FLT4: variants seen among roughly 807,000 people sequenced by gnomAD.
FLT4 encodes fms related receptor tyrosine kinase 4.
A neutral mutation model predicts 163.2 loss-of-function variants in FLT4; 30 were observed. The ratio of observed to expected loss-of-function variants is 0.18; its 90% confidence interval spans 0.14 to 0.25. The LOEUF is 0.25. Ranked by LOEUF, FLT4 falls within the 10% of genes least tolerant of loss-of-function variation. The pLI, the probability that FLT4 is intolerant of heterozygous loss-of-function variation, is 1.00. For missense variants in FLT4, 1,510 were observed against 1,863.8 expected (o/e 0.81, Z 3.50); for synonymous variants, 884 against 789.5 (o/e 1.12, Z -2.01).
intron 1 of FLT4, among the ~76,000 whole-genome samples, chr5:180,639,178 G>A (rs183700787): frequency 5.1e-4 from 59 of 116,320 alleles, no homozygotes; most frequent in South Asian, 8.6e-4. Flanking sequence ...AGGATGGATG[G>A]GTGGATGGAT....
At chr5:180,615,234 G>GT (rs143329383) in intron 23 of FLT4, among the ~76,000 whole-genome samples, 6 of 82,514 alleles carry the variant, frequency 7.3e-5, no homozygotes, top group East Asian at 3.6e-4. Flanking sequence ...TTGGAGCACT[G>GT]GGCCCCGCTG....
At chr5:180,615,358 T>A (rs1173623142) in intron 23 of FLT4, among the ~76,000 whole-genome samples, 1 of 146,664 alleles carries the variant, frequency 6.8e-6, no homozygotes, top group African/African-American at 2.6e-5. Context: ...GTCACCTCCC[T>A]TCTCCACTTC....
Position 180,609,024 on chromosome 5 carries a change from C to T in FLT4, c.3837G>A (p.Leu1279=). 1 of 1,614,220 alleles carries T rather than the reference C, an allele frequency of 6.2e-7. No individual in the cohort carries two copies. Among genetic ancestry groups the T allele is most frequent in the Non-Finnish European group, 8.5e-7 (1 of 1,180,034 alleles). The change falls in exon 29 of 30, where the codon CTG becomes CTA. Residue 1279 remains leucine, a synonymous_variant. Coordinates refer to ENST00000261937, the MANE Select transcript of FLT4 (RefSeq NM_182925.5). ...VDNQTDSGMV[L]ASEEFEQIES... ...CTATCTGCTCAAACTCCTCCGAGGC[C>T]AGCACCATCCCACTGTCTGTCTGGT...
Position 180,620,873 on chromosome 5 carries a change from G to T in FLT4, c.2299+3C>A. On this transcript the variant is annotated splice_donor_region_variant and intron_variant, in intron 15 of 29. Coordinates refer to ENST00000261937, the MANE Select transcript of FLT4 (RefSeq NM_182925.5). This position sits in a 1 kb window ranked among gnomAD's most constrained non-coding sequence, Gnocchi z 4.4. Reference sequence around the variant, plus strand: ...AGTTGAGGGGTGCAGCCTGAGGCCAGACCTTCCACGGCCACGCTGGCGGAG... The same window carrying T: ...AGTTGAGGGGTGCAGCCTGAGGCCATACCTTCCACGGCCACGCTGGCGGAG... 1 of 1,609,738 alleles carries T rather than the reference G, an allele frequency of 6.2e-7. No homozygotes were observed. The highest frequency in any genetic ancestry group is 2.2e-5 in the East Asian group (1 of 44,794).
intron 1 of FLT4, among the ~76,000 whole-genome samples, chr5:180,645,550 A>G (rs1765448833): frequency 6.6e-6 from 1 of 152,164 alleles, no homozygotes; most frequent in Non-Finnish European, 1.5e-5. Flanking sequence ...GTCCTTTCCC[A>G]TGAACCCCTG....
Position 180,628,905 on chromosome 5 carries a change from C to T in FLT4, c.1080G>A (p.Ala360=), listed in dbSNP as rs762094582. 6.2e-6 allele frequency: 10 copies of T among 1,611,736 alleles called. No homozygotes were observed. In the South Asian group the frequency reaches 7.7e-5, roughly 12 times the overall value. ...ACCACTGGAACTCGGGCGGGGGGTA[C>T]GCTGCCAGCTTCACGGGCAGCTTCA... ...ELVKLPVKLA[A]YPPPEFQWYK... is the part of the protein sequence containing the mutation. The change falls in exon 8 of 30, where the codon GCG becomes GCA. Residue 360 remains alanine (A), a synonymous_variant. Transcript: ENST00000261937.
intron 23 of FLT4, among the ~76,000 whole-genome samples, chr5:180,615,578 C>T (rs111804217): frequency 3.1e-4 from 3 of 9,780 alleles, no homozygotes; most frequent in African/African-American, 7.3e-4. Flanking sequence ...CACTTCCTTT[C>T]GGAGCACTGG....
chr5:180,615,370 G>T (rs1239194213), intron 23 of FLT4, among the ~76,000 whole-genome samples: 1 of 98,284 alleles, frequency 1.0e-5, no homozygotes, highest in Non-Finnish European at 2.0e-5. Context: ...CTCCACTTCC[G>T]AAATCCACTT....
chr5:180,630,139 G>T lies in FLT4; in HGVS notation c.514-34C>A, dbSNP rs1430367911. ...ACAAGGCCACCATCATTGCCCAGCT[G>T]CCCCTTGCTCCTGGCCAGACAGGCG... On this transcript the variant is annotated intron_variant, in intron 4 of 29. Coordinates refer to ENST00000261937, the MANE Select transcript of FLT4 (RefSeq NM_182925.5). The surrounding 1 kb of genome is among the most constrained non-coding windows in gnomAD (Gnocchi z 6.3). The T allele has an allele frequency of 2.0e-6, 3 of 1,480,664 alleles. No individual in the cohort carries two copies. The highest frequency in any genetic ancestry group is 1.8e-5 in the Admixed American group (1 of 55,732). The allele number at this position is 1,480,664 out of a possible 1,614,324, so 91.7% of individuals were successfully genotyped here. A position where few individuals can be genotyped will look rare whatever the true frequency, so the allele number is the denominator to read the frequency against.
At position 180,620,739 on chromosome 5, in the gene FLT4, CGTGTGTGTGTGT is replaced by C; in HGVS notation, c.2300-36_2300-25del. The C allele has an allele frequency of 6.5e-7, 1 of 1,533,688 alleles. No homozygotes were observed. The highest frequency in any genetic ancestry group is 1.1e-5 in the South Asian group (1 of 88,658). On this transcript the variant is annotated intron_variant, in intron 15 of 29. Coordinates refer to ENST00000261937, the MANE Select transcript of FLT4 (RefSeq NM_182925.5). This position sits in a 1 kb window ranked among gnomAD's most constrained non-coding sequence, Gnocchi z 4.4. ...GCCTGCGTGGGCAGAAAGGGGCCGGCGTGTGTGTGTGTGTGTGTAAGAGCGTGCACCTGCAGG... is the reference window on the plus strand; with the variant it reads ...GCCTGCGTGGGCAGAAAGGGGCCGGCGTGTGTAAGAGCGTGCACCTGCAGG...
At position 180,626,007 on chromosome 5, in the gene FLT4, T is replaced by C. The variant is rs2127827342; in HGVS notation, c.1283A>G (p.Glu428Gly). Residue 428 changes from glutamate to glycine, a missense_variant, in exon 10 of 30, where the codon GAG becomes GGG. Glu to Gly is a moderately conservative substitution (Grantham distance 98). Transcript: ENST00000261937. ...CGAGTAGATGCTGGGGGAGGAGGCC[T>C]CCTTCTCATGTATCTGGGGGGGCAC... Reference protein sequence around the residue: ...VNVPPQIHEKEASSPSIYSRH... With the variant: ...VNVPPQIHEKGASSPSIYSRH... 6.2e-7 allele frequency: 1 copy of C among 1,612,644 alleles called. No individual in the cohort carries two copies.
At chr5:180,649,007 C>T (rs1208151964) in intron 1 of FLT4, among the ~76,000 whole-genome samples, 3 of 152,186 alleles carry the variant, frequency 2.0e-5, no homozygotes, top group Non-Finnish European at 4.4e-5. Flanking sequence ...CCTCGAGCGC[C>T]CTCTGGGGGA....
chr5:180,620,456 C>CG lies in FLT4; in HGVS notation c.2407-149dup. 1 of 1,257,568 alleles carries CG rather than the reference C, an allele frequency of 8.0e-7. No individual in the cohort carries two copies. Among genetic ancestry groups the CG allele is most frequent in the South Asian group, 1.2e-5 (1 of 80,510 alleles). The allele number at this position is 1,257,568 out of a possible 1,614,324, so 77.9% of individuals were successfully genotyped here. On this transcript the variant is annotated intron_variant, in intron 16 of 29. Coordinates refer to ENST00000261937, the MANE Select transcript of FLT4 (RefSeq NM_182925.5). This position sits in a 1 kb window ranked among gnomAD's most constrained non-coding sequence, Gnocchi z 4.4. ...CAGAAAAAAAGACAGACAACCTCTG[C>CG]GGGGTTGGAGCCCAGCGTGAAGGGC...
Position 180,603,022 on chromosome 5 carries a change from C to G in FLT4, c.*170G>C, listed in dbSNP as rs1176116248. ...AGTCGTGGTGACGGAATTCCGGGAGCCTTGGGCCTGGAGTCCTGCTCTTCC... is the reference window on the plus strand; with the variant it reads ...AGTCGTGGTGACGGAATTCCGGGAGGCTTGGGCCTGGAGTCCTGCTCTTCC... On this transcript the variant is annotated 3_prime_UTR_variant, in exon 30 of 30. Transcript: ENST00000261937. 6 of 684,446 alleles carry G rather than the reference C, an allele frequency of 8.8e-6. No homozygotes were observed. In the African/African-American group the frequency reaches 8.9e-5, roughly 10 times the overall value. The allele number at this position is 684,446 out of a possible 1,614,324, so 42.4% of individuals were successfully genotyped here. A position where few individuals can be genotyped will look rare whatever the true frequency, so the allele number is the denominator to read the frequency against.
chr5:180,638,442 T>C lies in FLT4; in HGVS notation c.59-6664A>G, dbSNP rs370937517. 2.6e-5 allele frequency among the ~76,000 whole-genome samples: 4 copies of C among 152,322 alleles called. No individual in the cohort carries two copies. In the South Asian group the frequency reaches 8.3e-4, roughly 32 times the overall value. Reference sequence around the variant, plus strand: ...GCTCTCTCACTGGGGCCAGCACAGCTGCACGCACCCCAAAGTGGCTTCTGG... The same window carrying C: ...GCTCTCTCACTGGGGCCAGCACAGCCGCACGCACCCCAAAGTGGCTTCTGG... On this transcript the variant is annotated intron_variant, in intron 1 of 29. Coordinates refer to ENST00000261937, the MANE Select transcript of FLT4 (RefSeq NM_182925.5).
At position 180,612,512 on chromosome 5, in the gene FLT4, G is replaced by T; in HGVS notation, c.3531C>A (p.Gly1177=). 6.2e-7 allele frequency: 1 copy of T among 1,612,424 alleles called. No homozygotes were observed. Among genetic ancestry groups the T allele is most frequent in the Non-Finnish European group, 8.5e-7 (1 of 1,178,528 alleles). The change falls in exon 26 of 30, where the codon GGC becomes GGA. Residue 1177 remains glycine (G), a synonymous_variant. Coordinates refer to ENST00000261937, the MANE Select transcript of FLT4 (RefSeq NM_182925.5). ...GGGTGGGGAAGGGGCTCACTTGCAG[G>T]CCCCTGCCCTGGAGCAGGTCCCCCA... ...EILGDLLQGR[G]LQEEEEVCMA...
chr5:180,628,775 T>C, intron 8 of FLT4, 107 bp downstream of exon 8: 1 of 779,846 alleles, frequency 1.3e-6, no homozygotes, highest in East Asian at 2.5e-5. Flanking sequence ...CTGGTCTCCG[T>C]GTGCAGGTCC....
At position 180,630,730 on chromosome 5, in the gene FLT4, G is replaced by A. The variant is rs1023497358; in HGVS notation, c.225C>T (p.Ser75=). ...AGTCTCGCACCACCCCCGTGTCCTC[G>A]CTGTCCTTGTCTCCGGTGGCTGGCG... ...QEAPATGDKD[S]EDTGVVRDCE... is the part of the protein sequence containing the mutation. The change falls in exon 3 of 30, where the codon AGC becomes AGT. Residue 75 remains serine, a synonymous_variant. Coordinates refer to ENST00000261937, the MANE Select transcript of FLT4 (RefSeq NM_182925.5). This position sits in a 1 kb window ranked among gnomAD's most constrained non-coding sequence, Gnocchi z 6.3. 10 of 1,611,348 alleles carry A rather than the reference G, an allele frequency of 6.2e-6. No individual in the cohort carries two copies. The highest frequency in any genetic ancestry group is 4.4e-5 in the South Asian group (4 of 91,064).
rs1473941155 is a variant in FLT4, at chr5:180,636,503, C to A, written c.59-4725G>T. On this transcript the variant is annotated intron_variant, in intron 1 of 29. Coordinates refer to ENST00000261937, the MANE Select transcript of FLT4 (RefSeq NM_182925.5). This position sits in a 1 kb window ranked among gnomAD's most constrained non-coding sequence, Gnocchi z 4.3. ...TTAAAGCTGTCATCAGCTGCACCCC[C>A]CCGTCACTTCCCCTCATTCTCTGCT... 6.6e-6 allele frequency among the ~76,000 whole-genome samples: 1 copy of A among 150,696 alleles called. No homozygotes were observed. The highest frequency in any genetic ancestry group is 6.6e-5 in the Admixed American group (1 of 15,134).
Sources: allele counts gnomAD v4.1 joint callset (sites outside exome capture counted in the v4.1 genomes callset), GRCh38; gene constraint gnomAD v4.1.1; non-coding constraint Gnocchi (gnomAD v3.1); transcripts MANE v1.5; gene names NCBI Gene and HGNC (gene_info 2026-07-23, HGNC 2026-07-21).